The following RANBP2 variants were observed in gnomAD, a reference collection of about 807,000 sequenced individuals.
RANBP2 encodes the protein RAN binding protein 2.
A neutral mutation model predicts 303.6 loss-of-function variants in RANBP2; 57 were observed. The ratio of observed to expected loss-of-function variants is 0.19; its 90% CI spans 0.15 to 0.23. RANBP2 has a LOEUF of 0.23. Among genes scored for constraint, RANBP2 ranks in the 10% least tolerant of loss-of-function variants. The pLI is 1.00. For missense variants in RANBP2, 3,138 were observed against 3,780.8 expected (o/e 0.83, Z 4.46); for synonymous variants, 1,167 against 1,301.5 (o/e 0.90, Z 2.23).
the RANBP2 span, among the ~76,000 whole-genome samples, chr2:109,257,589 C>T: frequency 6.6e-6 from 1 of 152,112 alleles, no homozygotes; most frequent in Non-Finnish European, 1.5e-5. Context: ...CTTCCCTTGA[C>T]CACTGGAGCA....
At chr2:109,721,135 C>T in the RANBP2 span, among the ~76,000 whole-genome samples, 1 of 152,224 alleles carries the variant, frequency 6.6e-6, no homozygotes. Context: ...CATATCATTA[C>T]TACAAGTTCC....
At chr2:108,750,096 A>G (rs1353820169) in intron 9 of RANBP2, among the ~76,000 whole-genome samples, 2 of 152,270 alleles carry the variant, frequency 1.3e-5, no homozygotes, top group African/African-American at 2.4e-5. Flanking sequence ...CAGTGAGCCA[A>G]GATCACACTG....
At chr2:109,130,028 C>G in the RANBP2 span, 1 of 1,337,084 alleles carries the variant, frequency 7.5e-7, no homozygotes, top group Non-Finnish European at 9.5e-7. Flanking sequence ...ACCCCGGGTT[C>G]CCCGGTTTTC....
chr2:108,894,500 AAT>A, the RANBP2 span: 1 of 152,602 alleles, frequency 6.6e-6, no homozygotes, highest in East Asian at 1.9e-4. Flanking sequence ...GAGATTATAA[AAT>A]ATAATAAGTT....
the RANBP2 span, among the ~76,000 whole-genome samples, chr2:109,578,832 A>G: frequency 1.3e-5 from 2 of 152,226 alleles, 1 homozygote; most frequent in Admixed American, 1.3e-4. Context: ...TGTGGAATGT[A>G]GCCTAAGCCA....
chr2:109,143,920 C>T, the RANBP2 span, among the ~76,000 whole-genome samples: 10 of 152,048 alleles, frequency 6.6e-5, no homozygotes, highest in Non-Finnish European at 1.0e-4. Flanking sequence ...GCCTAGAGGA[C>T]GTTATGCGAA....
chr2:108,734,741 T>C, intron 4 of RANBP2, among the ~76,000 whole-genome samples: 1 of 151,864 alleles, frequency 6.6e-6, no homozygotes, highest in Non-Finnish European at 1.5e-5. Context: ...TATGGTGGTT[T>C]CGGTGGTATG....
the RANBP2 span, among the ~76,000 whole-genome samples, chr2:109,268,383 G>T: frequency 6.6e-6 from 1 of 151,916 alleles, no homozygotes; most frequent in East Asian, 2.0e-4. Flanking sequence ...CGTTTCACCC[G>T]CACAACTGCA....
At chr2:109,157,912 C>T in the RANBP2 span, among the ~76,000 whole-genome samples, 1 of 152,108 alleles carries the variant, frequency 6.6e-6, no homozygotes, top group Non-Finnish European at 1.5e-5. Flanking sequence ...GGCAGCTGCT[C>T]GTGTTTGATT....
chr2:109,491,741 G>A, the RANBP2 span, among the ~76,000 whole-genome samples: 917 of 152,294 alleles, frequency 6.0e-3, 5 homozygotes, highest in South Asian at 0.015. Context: ...AGAAAGATAT[G>A]ATCCTTACTG....
the RANBP2 span, among the ~76,000 whole-genome samples, chr2:109,458,470 A>G: frequency 6.6e-6 from 1 of 152,112 alleles, no homozygotes; most frequent in African/African-American, 2.4e-5. Context: ...ATTTAGTGTG[A>G]AAATGGGAAT....
chr2:109,688,543 G>A, the RANBP2 span, among the ~76,000 whole-genome samples: 4 of 151,994 alleles, frequency 2.6e-5, no homozygotes, highest in East Asian at 1.9e-4. Context: ...TTGGGAGGCC[G>A]AGGTGGGTGG....
downstream of RANBP2, chr2:108,786,620 T>G: frequency 1.7e-6 from 1 of 595,132 alleles, no homozygotes; most frequent in African/African-American, 2.0e-5. Flanking sequence ...AGTTACGAGG[T>G]GTGTAGTGCT....
the RANBP2 span, among the ~76,000 whole-genome samples, chr2:109,149,422 T>C: frequency 6.6e-6 from 1 of 152,228 alleles, no homozygotes; most frequent in Non-Finnish European, 1.5e-5. Flanking sequence ...TGACAGTCAT[T>C]TGCACTTCTA....
the RANBP2 span, among the ~76,000 whole-genome samples, chr2:109,012,715 C>G: frequency 6.6e-6 from 1 of 152,292 alleles, no homozygotes; most frequent in East Asian, 1.9e-4. Context: ...GAGATCGAGA[C>G]CATCCTGGCC....
chr2:108,985,423 G>A, the RANBP2 span, among the ~76,000 whole-genome samples: 1 of 152,252 alleles, frequency 6.6e-6, no homozygotes, highest in African/African-American at 2.4e-5. Context: ...CTCGCAGGGT[G>A]GTGCAGGCAG....
At position 108,775,785 on chromosome 2, in the gene RANBP2, G is replaced by A. The variant is rs754320830; in HGVS notation, c.8346G>A (p.Gly2782=). 1 of 1,613,846 alleles carries A rather than the reference G, an allele frequency of 6.2e-7. No homozygotes were observed. The highest frequency in any genetic ancestry group is 8.5e-7 in the Non-Finnish European group (1 of 1,179,920). The change falls in exon 24 of 29, where the codon GGG becomes GGA. Residue 2782 remains glycine (G), a synonymous_variant. Transcript: ENST00000283195. ...CAACTGACAGTGTATATACAGGTGG[G>A]ACTGAAGTGATGGTACCTTCTTTCT... The part of the protein sequence containing the change: ...TSTTDSVYTG[G]TEVMVPSFCK...
the RANBP2 span, among the ~76,000 whole-genome samples, chr2:108,989,555 C>T: frequency 6.6e-6 from 1 of 152,244 alleles, no homozygotes; most frequent in East Asian, 1.9e-4. Context: ...GCATGGGTGC[C>T]ACTGCACGGA....
At chr2:108,844,748 A>ATT in the RANBP2 span, among the ~76,000 whole-genome samples, 3,256 of 136,704 alleles carry the variant, frequency 0.024, 128 homozygotes, top group African/African-American at 0.083. Flanking sequence ...TACTATCCAC[A>ATT]TTTTTTTTTT....
Sources: gnomAD v4.1 joint callset for allele counts (sites outside exome capture counted in the v4.1 genomes callset) on GRCh38, gnomAD v4.1.1 for gene constraint, MANE v1.5 for transcripts, NCBI Gene and HGNC (gene_info 2026-07-23, HGNC 2026-07-21) for gene names.